The following CSMD1 variants were observed in gnomAD, a reference collection of about 807,000 sequenced individuals.
CSMD1 encodes the protein CUB and Sushi multiple domains 1.
A neutral mutation model predicts 417.5 loss-of-function variants in CSMD1; 213 were observed. The observed-to-expected ratio is 0.51, with a 90% CI of 0.46 to 0.57. CSMD1 has a LOEUF of 0.57. Ranked by LOEUF, CSMD1 falls within the 20% of genes least tolerant of loss-of-function variation. CSMD1 has a pLI of 0.00. For synonymous variants in CSMD1, 2,862 were observed against 1,736.8 expected, an observed-to-expected ratio of 1.65 and a Z score of -16.11; for missense variants, 6,923 against 4,529.7, an observed-to-expected ratio of 1.53 and a Z score of -15.17.
intron 3 of CSMD1, among the ~76,000 whole-genome samples, chr8:4,174,255 G>C (rs1364758619): frequency 6.6e-6 from 1 of 152,126 alleles, no homozygotes. Flanking sequence ...AAAAGGAAAT[G>C]AATCTTCAGC....
At chr8:3,737,493 T>C (rs1040400615) in intron 6 of CSMD1, among the ~76,000 whole-genome samples, 3 of 152,246 alleles carry the variant, frequency 2.0e-5, no homozygotes, top group African/African-American at 7.2e-5. Context: ...TGTTGAAAAA[T>C]TTCTCTGTTG....
chr8:4,478,119 G>A (rs890948138), intron 2 of CSMD1, among the ~76,000 whole-genome samples: 7 of 152,058 alleles, frequency 4.6e-5, no homozygotes, highest in South Asian at 2.1e-4. Context: ...TGGCTGTTAC[G>A]TTCACAGGCC....
rs147301550 is a variant in CSMD1, at chr8:4,094,618, G to C, written c.416-62519C>G. The stretch of plus-strand genomic sequence containing the variant: ...TGCTTGTGTAGGTCAGAGGAGAGGC[G>C]TGTGTCACACATGTGGGGACACACA... On this transcript the variant is annotated intron_variant, in intron 3 of 69. Transcript: ENST00000635120. 4.6e-5 allele frequency among the ~76,000 whole-genome samples: 7 copies of C among 151,724 alleles called. No homozygotes were observed. The South Asian group carries it at 1.3e-3, about 27-fold the overall frequency.
At chr8:4,186,634 A>G (rs1351173255) in intron 3 of CSMD1, among the ~76,000 whole-genome samples, 1 of 152,146 alleles carries the variant, frequency 6.6e-6, no homozygotes, top group Non-Finnish European at 1.5e-5. Flanking sequence ...CTAAGAGGCT[A>G]TTATTTTTAG....
intron 3 of CSMD1, among the ~76,000 whole-genome samples, chr8:4,070,509 C>T (rs1189322021): frequency 2.0e-5 from 3 of 152,138 alleles, no homozygotes; most frequent in Non-Finnish European, 4.4e-5. Context: ...AGGCGCCCGC[C>T]ACCACGGCCG....
At chr8:4,724,536 G>GTGTGTC (rs1809287242) in intron 1 of CSMD1, among the ~76,000 whole-genome samples, 1 of 149,666 alleles carries the variant, frequency 6.7e-6, no homozygotes, top group Admixed American at 6.7e-5. Context: ...GTGTGTGTGT[G>GTGTGTC]TGTGTGTGTG....
intron 2 of CSMD1, among the ~76,000 whole-genome samples, chr8:4,563,344 T>A (rs1798439054): frequency 6.6e-6 from 1 of 152,168 alleles, no homozygotes; most frequent in African/African-American, 2.4e-5. Flanking sequence ...GAGCTTTCAG[T>A]GAGCTCAGAT....
intron 2 of CSMD1, among the ~76,000 whole-genome samples, chr8:4,498,883 T>C (rs1802111982): frequency 6.6e-6 from 1 of 152,106 alleles, no homozygotes; most frequent in African/African-American, 2.4e-5. Context: ...GTCAAAATAA[T>C]AGCAATGAAG....
chr8:3,626,187 G>T (rs1220055827), intron 7 of CSMD1, among the ~76,000 whole-genome samples: 6 of 152,244 alleles, frequency 3.9e-5, no homozygotes, highest in Middle Eastern at 3.4e-3. Context: ...GCTGGCTCCC[G>T]CAAATGCAGA....
chr8:3,221,613 C>T (rs184816098), intron 28 of CSMD1, among the ~76,000 whole-genome samples: 7 of 152,040 alleles, frequency 4.6e-5, no homozygotes, highest in Admixed American at 1.3e-4. Context: ...AAAATTCATG[C>T]GTAGAAGTCT....
chr8:4,126,853 A>C (rs146102382), intron 3 of CSMD1, among the ~76,000 whole-genome samples: 102 of 152,254 alleles, frequency 6.7e-4, no homozygotes, highest in African/African-American at 2.0e-3. Context: ...GGATGTTGGC[A>C]AAGATCAGTC....
intron 2 of CSMD1, among the ~76,000 whole-genome samples, chr8:4,473,154 T>C (rs1006488526): frequency 5.9e-5 from 9 of 152,190 alleles, no homozygotes; most frequent in Non-Finnish European, 8.8e-5. Flanking sequence ...GGAATATAGA[T>C]TTTAAAATTC....
intron 18 of CSMD1, among the ~76,000 whole-genome samples, chr8:3,385,966 G>C (rs9886491): frequency 2.0e-5 from 3 of 152,048 alleles, no homozygotes; most frequent in Non-Finnish European, 2.9e-5. Flanking sequence ...TGAAATAGAA[G>C]AGGAATTAAG....
chr8:3,408,547 G>C (rs187831927), intron 13 of CSMD1, among the ~76,000 whole-genome samples: 3 of 151,220 alleles, frequency 2.0e-5, no homozygotes, highest in African/African-American at 4.9e-5. Context: ...GCCTTCAGAA[G>C]AGCAAATATT....
At chr8:3,132,228 G>T (rs2129027078) in intron 41 of CSMD1, among the ~76,000 whole-genome samples, 1 of 151,956 alleles carries the variant, frequency 6.6e-6, no homozygotes, top group East Asian at 1.9e-4. Context: ...TTTTGTAATT[G>T]AAAATCTAGT....
At chr8:3,305,242 A>C (rs1256128022) in intron 25 of CSMD1, among the ~76,000 whole-genome samples, 1 of 152,144 alleles carries the variant, frequency 6.6e-6, no homozygotes, top group Non-Finnish European at 1.5e-5. Context: ...TGAAATATTA[A>C]ATTCTGTTAC....
intron 37 of CSMD1, among the ~76,000 whole-genome samples, chr8:3,174,847 C>G (rs2129045107): frequency 6.6e-6 from 1 of 152,042 alleles, no homozygotes; most frequent in South Asian, 2.1e-4. Context: ...TTGCATCAAA[C>G]ACTTAAAGAG....
chr8:3,741,317 G>C (rs960754194), intron 6 of CSMD1, among the ~76,000 whole-genome samples: 14 of 150,720 alleles, frequency 9.3e-5, no homozygotes, highest in African/African-American at 3.2e-4. Flanking sequence ...AATGTTTAAA[G>C]AGGTTTGCAG....
At chr8:3,226,068 C>T (rs1019979234) in intron 27 of CSMD1, among the ~76,000 whole-genome samples, 18 of 152,182 alleles carry the variant, frequency 1.2e-4, no homozygotes, top group African/African-American at 4.3e-4. Flanking sequence ...GACCCATCTA[C>T]GTTTCTGCAT....
Sources: gnomAD v4.1 joint callset for allele counts (sites outside exome capture counted in the v4.1 genomes callset) on GRCh38, gnomAD v4.1.1 for gene constraint, MANE v1.5 for transcripts, NCBI Gene and HGNC (gene_info 2026-07-23, HGNC 2026-07-21) for gene names.